SCHIP1: variants seen among roughly 807,000 people sequenced by gnomAD.
SCHIP1 encodes schwannomin interacting protein 1, also known as schwannomin-interacting protein 1.
In SCHIP1, 8 loss-of-function variants were observed where a neutral mutation model predicts 29.7. That is an observed-to-expected ratio of 0.27 (90% CI 0.16 to 0.49). The LOEUF (loss-of-function observed/expected upper bound fraction) is 0.49. Among genes scored for constraint, SCHIP1 ranks in the 20% least tolerant of loss-of-function variants. SCHIP1 has a pLI of 0.99. For missense variants in SCHIP1, 193 were observed against 294.6 expected, an observed-to-expected ratio of 0.66 and a Z score of 2.52; for synonymous variants, 76 against 94.9, an observed-to-expected ratio of 0.80 and a Z score of 1.16.
At chr3:159,750,582 T>A in the SCHIP1 span, among the ~76,000 whole-genome samples, 1 of 152,080 alleles carries the variant, frequency 6.6e-6, no homozygotes, top group Non-Finnish European at 1.5e-5. Flanking sequence ...TCAGATAGTC[T>A]ATCCTTGGCC....
chr3:159,515,674 G>GA, the SCHIP1 span, among the ~76,000 whole-genome samples: 5 of 152,134 alleles, frequency 3.3e-5, no homozygotes, highest in Admixed American at 6.5e-5. Flanking sequence ...ATAACTACTT[G>GA]AAAATCTTTA....
At chr3:159,293,163 G>A in the SCHIP1 span, among the ~76,000 whole-genome samples, 529 of 152,216 alleles carry the variant, frequency 3.5e-3, 2 homozygotes, top group African/African-American at 0.012. Context: ...TAATATTTGC[G>A]TACATTACCT....
chr3:159,333,384 A>G, the SCHIP1 span, among the ~76,000 whole-genome samples: 3 of 152,330 alleles, frequency 2.0e-5, no homozygotes, highest in East Asian at 3.9e-4. Flanking sequence ...TAAATAGTCA[A>G]TAAATGTTTG....
the SCHIP1 span, among the ~76,000 whole-genome samples, chr3:159,318,942 G>A: frequency 2.0e-5 from 3 of 152,144 alleles, no homozygotes; most frequent in East Asian, 5.8e-4. Flanking sequence ...CAAAAGGAAG[G>A]TAGTTATCTG....
At chr3:159,454,541 C>A in the SCHIP1 span, among the ~76,000 whole-genome samples, 1 of 152,128 alleles carries the variant, frequency 6.6e-6, no homozygotes, top group African/African-American at 2.4e-5. Flanking sequence ...TGTCCCCAGT[C>A]AAGCATTGTT....
intron 1 of SCHIP1, among the ~76,000 whole-genome samples, chr3:159,842,168 T>C (rs1439568589): frequency 2.6e-5 from 4 of 152,234 alleles, no homozygotes; most frequent in East Asian, 1.9e-4. Context: ...TTAAGGATGA[T>C]ATTGCAGTGG....
the SCHIP1 span, among the ~76,000 whole-genome samples, chr3:159,660,235 G>T: frequency 6.6e-6 from 1 of 152,086 alleles, no homozygotes; most frequent in Non-Finnish European, 1.5e-5. Flanking sequence ...GATGGGAGTC[G>T]GATATGAAAT....
chr3:159,797,185 G>T, the SCHIP1 span, among the ~76,000 whole-genome samples: 1 of 152,180 alleles, frequency 6.6e-6, no homozygotes, highest in Non-Finnish European at 1.5e-5. Context: ...GCATGCTTTT[G>T]AACTTGAATA....
At chr3:159,541,735 A>C in the SCHIP1 span, among the ~76,000 whole-genome samples, 11 of 152,120 alleles carry the variant, frequency 7.2e-5, no homozygotes, top group Admixed American at 3.3e-4. Context: ...TTTTTGGATC[A>C]CAAATGTATT....
At chr3:159,692,008 CCTTT>C in the SCHIP1 span, among the ~76,000 whole-genome samples, 2 of 145,732 alleles carry the variant, frequency 1.4e-5, no homozygotes, top group Non-Finnish European at 3.0e-5. Flanking sequence ...GGTAACCCGA[CCTTT>C]CTTTTTTTTT....
At chr3:159,654,747 A>G in the SCHIP1 span, among the ~76,000 whole-genome samples, 1 of 150,074 alleles carries the variant, frequency 6.7e-6, no homozygotes, top group African/African-American at 2.5e-5. Context: ...TTCAATTTCA[A>G]TTACTACCTC....
At chr3:159,336,041 T>G in the SCHIP1 span, among the ~76,000 whole-genome samples, 1 of 152,222 alleles carries the variant, frequency 6.6e-6, no homozygotes, top group African/African-American at 2.4e-5. Context: ...CCATTCTAAG[T>G]GGTGTGAGAA....
At chr3:159,815,474 G>A in the SCHIP1 span, among the ~76,000 whole-genome samples, 3 of 152,136 alleles carry the variant, frequency 2.0e-5, no homozygotes, top group Non-Finnish European at 4.4e-5. Flanking sequence ...CACCTTGGGG[G>A]GATGAAATGA....
chr3:159,723,275 G>C, the SCHIP1 span, among the ~76,000 whole-genome samples: 3 of 152,158 alleles, frequency 2.0e-5, no homozygotes, highest in African/African-American at 7.2e-5. Context: ...ATTAATAATA[G>C]CTGATAATCC....
the SCHIP1 span, among the ~76,000 whole-genome samples, chr3:159,629,124 T>A: frequency 2.6e-5 from 4 of 151,820 alleles, no homozygotes; most frequent in African/African-American, 9.7e-5. Flanking sequence ...CTCATCAAGT[T>A]ACTTGAAGTT....
At chr3:159,663,984 G>A in the SCHIP1 span, among the ~76,000 whole-genome samples, 1 of 152,236 alleles carries the variant, frequency 6.6e-6, no homozygotes, top group African/African-American at 2.4e-5. Flanking sequence ...CTAACTCGGT[G>A]TGAAAAATAA....
At chr3:159,546,360 A>G in the SCHIP1 span, among the ~76,000 whole-genome samples, 1 of 152,076 alleles carries the variant, frequency 6.6e-6, no homozygotes, top group Admixed American at 6.6e-5. Flanking sequence ...TTTTCTGTAC[A>G]TTTTTATAGA....
chr3:159,274,565 G>C, the SCHIP1 span: 3 of 805,592 alleles, frequency 3.7e-6, no homozygotes, highest in Non-Finnish European at 4.5e-6. Flanking sequence ...TAAAAAAAAT[G>C]GTTTCTTCAA....
chr3:159,772,585 T>C, the SCHIP1 span, among the ~76,000 whole-genome samples: 4 of 152,352 alleles, frequency 2.6e-5, no homozygotes, highest in African/African-American at 9.6e-5. Flanking sequence ...AGTTGTTATC[T>C]GGTTGGTTAA....
Sources: allele counts gnomAD v4.1 joint callset (sites outside exome capture counted in the v4.1 genomes callset), GRCh38; gene constraint gnomAD v4.1.1; transcripts MANE v1.5; gene names NCBI Gene and HGNC (gene_info 2026-07-23, HGNC 2026-07-21).